SKAP2: variants seen among roughly 807,000 people sequenced by gnomAD.
SKAP2 encodes the protein src kinase associated phosphoprotein 2.
In SKAP2, 28 loss-of-function variants were observed where a neutral mutation model predicts 54.9. The ratio of observed to expected loss-of-function variants is 0.51; its 90% CI spans 0.38 to 0.70. SKAP2 has a LOEUF of 0.70. Among genes scored for constraint, SKAP2 ranks in the 30% least tolerant of loss-of-function variants. SKAP2 has a pLI of 0.00. For missense variants in SKAP2, 356 were observed against 424.1 expected (o/e 0.84, Z 1.41); for synonymous variants, 137 against 134.3 (o/e 1.02, Z -0.14).
intron 11 of SKAP2, among the ~76,000 whole-genome samples, chr7:26,670,956 TA>T (rs1456086229): frequency 2.0e-5 from 3 of 152,048 alleles, no homozygotes; most frequent in African/African-American, 7.2e-5. Context: ...GGCAAAATAT[TA>T]ATCTACCTCT....
intron 4 of SKAP2, among the ~76,000 whole-genome samples, chr7:26,833,317 A>G (rs2127992996): frequency 6.7e-6 from 1 of 150,020 alleles, no homozygotes; most frequent in Non-Finnish European, 1.5e-5. Context: ...AATGGAGTGA[A>G]CCCAGGAGGC....
intron 4 of SKAP2, among the ~76,000 whole-genome samples, chr7:26,810,913 C>T (rs891900492): frequency 4.6e-5 from 7 of 152,178 alleles, no homozygotes; most frequent in African/African-American, 1.4e-4. Flanking sequence ...ATCTCTTGAC[C>T]TCATGATCCG....
rs946671724 is a variant in SKAP2, at chr7:26,770,536, C to T, written c.308-30572G>A. 5.9e-5 allele frequency among the ~76,000 whole-genome samples: 9 copies of T among 152,120 alleles called. No individual in the cohort carries two copies. The South Asian group carries it at 1.0e-3, about 17-fold the overall frequency. ...ACTCCCACAGCTAGCTCGGTGTCTG[C>T]GCAAATGGCCACCCAGTTTTGTGCT... On this transcript the variant is annotated intron_variant, in intron 4 of 12. Coordinates refer to ENST00000345317, the MANE Select transcript of SKAP2 (RefSeq NM_003930.5).
chr7:26,698,801 AAAC>A (rs1786956882), intron 9 of SKAP2, among the ~76,000 whole-genome samples: 1 of 152,208 alleles, frequency 6.6e-6, no homozygotes, highest in African/African-American at 2.4e-5. Flanking sequence ...ATTTCAAGGG[AAAC>A]AACTGACGGT....
At chr7:26,854,521 T>C (rs1182777265) in intron 2 of SKAP2, among the ~76,000 whole-genome samples, 1 of 152,024 alleles carries the variant, frequency 6.6e-6, no homozygotes, top group East Asian at 1.9e-4. Context: ...TTAAACCAAA[T>C]ATACCCTCAG....
rs369206020 is a variant in SKAP2 at position 26,864,377 on chromosome 7, C to G, written c.53G>C (p.Arg18Thr). ...SSPYPLPEEI[R>T]NLLADVETFV... ...CCGCTCTTTACCTGCCAACAGGTTC[C>G]TAATTTCCTCAGGGAGGGGGTAGGG... The change falls in exon 1 of 13, where the codon AGG (arginine) becomes ACG (threonine). Residue 18 changes from arginine (R) to threonine (T), a missense_variant. Arg to Thr is a moderately conservative substitution (Grantham distance 71). Coordinates refer to ENST00000345317, the MANE Select transcript of SKAP2 (RefSeq NM_003930.5). The G allele has an allele frequency of 5.6e-6, 9 of 1,613,466 alleles. No homozygotes were observed. In the African/African-American group the frequency reaches 1.1e-4, roughly 19 times the overall value.
chr7:26,719,134 C>T (rs550201623), intron 9 of SKAP2, among the ~76,000 whole-genome samples: 22 of 152,150 alleles, frequency 1.4e-4, no homozygotes, highest in Admixed American at 5.2e-4. Context: ...ATGAATGCAC[C>T]ACTGCACTCC....
chr7:26,678,535 G>A (rs1239750200), intron 11 of SKAP2, among the ~76,000 whole-genome samples: 1 of 151,280 alleles, frequency 6.6e-6, no homozygotes, highest in African/African-American at 2.4e-5. Context: ...CTACTTCCCG[G>A]GTTCAAGTGA....
At chr7:26,723,457 C>T (rs1787624300) in intron 9 of SKAP2, among the ~76,000 whole-genome samples, 1 of 152,036 alleles carries the variant, frequency 6.6e-6, no homozygotes, top group African/African-American at 2.4e-5. Context: ...AAAAGAAATT[C>T]CAGGGCAGCT....
chr7:26,813,652 CT>C (rs1784203506), intron 4 of SKAP2, among the ~76,000 whole-genome samples: 6 of 152,190 alleles, frequency 3.9e-5, no homozygotes, highest in Admixed American at 3.9e-4. Flanking sequence ...TAGAAACAGT[CT>C]TGAATTATTT....
downstream of SKAP2, among the ~76,000 whole-genome samples, chr7:26,664,894 A>G (rs1786079032): frequency 6.6e-6 from 1 of 152,104 alleles, no homozygotes; most frequent in South Asian, 2.1e-4. Flanking sequence ...CTCTCTCAAC[A>G]CTGAAGACCT....
At chr7:26,687,053 T>C (rs932700904) in intron 10 of SKAP2, among the ~76,000 whole-genome samples, 1 of 151,908 alleles carries the variant, frequency 6.6e-6, no homozygotes, top group Admixed American at 6.6e-5. Flanking sequence ...CTTACAATAG[T>C]TTTTATTCAA....
At chr7:26,708,600 T>C (rs1787223463) in intron 9 of SKAP2, among the ~76,000 whole-genome samples, 1 of 152,208 alleles carries the variant, frequency 6.6e-6, no homozygotes, top group African/African-American at 2.4e-5. Flanking sequence ...TTTACTTTCA[T>C]CTTCAGTATG....
chr7:26,818,326 A>G (rs1784314949), intron 4 of SKAP2, among the ~76,000 whole-genome samples: 1 of 152,204 alleles, frequency 6.6e-6, no homozygotes, highest in African/African-American at 2.4e-5. Context: ...TGACAAAAAC[A>G]AGCAATGGGG....
At chr7:26,697,269 G>A (rs1786914108) in intron 9 of SKAP2, among the ~76,000 whole-genome samples, 1 of 152,128 alleles carries the variant, frequency 6.6e-6, no homozygotes, top group East Asian at 1.9e-4. Context: ...TTTGTTTCAG[G>A]AGCAGTCTTG....
At chr7:26,699,186 G>A (rs1228739690) in intron 9 of SKAP2, among the ~76,000 whole-genome samples, 3 of 152,104 alleles carry the variant, frequency 2.0e-5, no homozygotes, top group South Asian at 2.1e-4. Flanking sequence ...TACTTGTCGC[G>A]TCTGGGTACA....
At chr7:26,770,503 G>C (rs570467245) in intron 4 of SKAP2, among the ~76,000 whole-genome samples, 3 of 151,974 alleles carry the variant, frequency 2.0e-5, no homozygotes, top group Non-Finnish European at 4.4e-5. Flanking sequence ...ACTGGAGTAT[G>C]AAAAAAAACT....
chr7:26,774,518 T>C (rs1027089480), intron 4 of SKAP2, among the ~76,000 whole-genome samples: 2 of 151,414 alleles, frequency 1.3e-5, no homozygotes, highest in African/African-American at 4.9e-5. Flanking sequence ...TGTGTGTGTG[T>C]ATGTATATAT....
At chr7:26,709,531 T>G (rs1229196338) in intron 9 of SKAP2, among the ~76,000 whole-genome samples, 1 of 152,196 alleles carries the variant, frequency 6.6e-6, no homozygotes, top group Non-Finnish European at 1.5e-5. Context: ...TGTTTAAACA[T>G]TTTCCCCAAG....
Sources: allele counts gnomAD v4.1 joint callset (sites outside exome capture counted in the v4.1 genomes callset), GRCh38; gene constraint gnomAD v4.1.1; transcripts MANE v1.5; gene names NCBI Gene and HGNC (gene_info 2026-07-23, HGNC 2026-07-21).